WDR25: variants seen among roughly 807,000 people sequenced by gnomAD.
The protein encoded by WDR25 is WD repeat domain 25.
In WDR25, 35 loss-of-function variants were observed where a neutral mutation model predicts 47.7. The ratio of observed to expected loss-of-function variants is 0.73; its 90% confidence interval spans 0.56 to 0.97. WDR25 has a LOEUF of 0.97. Among genes scored for constraint, WDR25 ranks in the 50% least tolerant of loss-of-function variants. WDR25 has a pLI of 0.00. For synonymous variants in WDR25, 248 were observed against 278.9 expected (o/e 0.89, Z 1.10); for missense variants, 634 against 704.7 (o/e 0.90, Z 1.14).
chr14:100,514,388 T>C (rs1246233483), intron 4 of WDR25, among the ~76,000 whole-genome samples: 2 of 152,196 alleles, frequency 1.3e-5, no homozygotes, highest in African/African-American at 4.8e-5. Flanking sequence ...ATTATGATTA[T>C]TGATATGGTT....
intron 2 of WDR25, among the ~76,000 whole-genome samples, chr14:100,447,323 A>G (rs187694616): frequency 1.3e-5 from 2 of 152,242 alleles, no homozygotes; most frequent in African/African-American, 2.4e-5. Flanking sequence ...ATCTACAACG[A>G]TTTTAATTTT....
intron 2 of WDR25, among the ~76,000 whole-genome samples, chr14:100,401,164 G>A (rs1219176396): frequency 6.6e-6 from 1 of 152,134 alleles, no homozygotes; most frequent in Non-Finnish European, 1.5e-5. Context: ...GGCCTCCGGG[G>A]CGCGTCGGCG....
intron 2 of WDR25, among the ~76,000 whole-genome samples, chr14:100,439,664 TA>T (rs1174130450): frequency 1.3e-5 from 2 of 152,212 alleles, no homozygotes; most frequent in Non-Finnish European, 2.9e-5. Flanking sequence ...GGACGCTTTT[TA>T]TGTGACAGTG....
intron 4 of WDR25, among the ~76,000 whole-genome samples, chr14:100,489,314 C>T (rs1900486445): frequency 6.6e-6 from 1 of 152,134 alleles, no homozygotes; most frequent in African/African-American, 2.4e-5. Context: ...GTGCCCAGCA[C>T]AGAATGGAAG....
intron 2 of WDR25, among the ~76,000 whole-genome samples, chr14:100,454,232 T>C (rs1328403379): frequency 6.6e-6 from 1 of 152,128 alleles, no homozygotes; most frequent in Non-Finnish European, 1.5e-5. Context: ...AAGCTGGTGG[T>C]GGTGGTGTTC....
At chr14:100,466,176 A>G (rs1330785728) in intron 2 of WDR25, among the ~76,000 whole-genome samples, 1 of 152,170 alleles carries the variant, frequency 6.6e-6, no homozygotes, top group Non-Finnish European at 1.5e-5. Flanking sequence ...TTCTAAATGT[A>G]AATACTGCTG....
intron 2 of WDR25, among the ~76,000 whole-genome samples, chr14:100,413,052 A>G (rs1413162244): frequency 6.6e-6 from 1 of 151,844 alleles, no homozygotes; most frequent in East Asian, 1.9e-4. Context: ...CTGGTCCCAG[A>G]CTCCTAACCT....
At chr14:100,457,291 C>A (rs1057022053) in intron 2 of WDR25, among the ~76,000 whole-genome samples, 1 of 152,096 alleles carries the variant, frequency 6.6e-6, no homozygotes, top group Non-Finnish European at 1.5e-5. Flanking sequence ...GGGAAAAAAA[C>A]TTAAAAGTAA....
chr14:100,494,262 C>T (rs1445930252), intron 4 of WDR25, among the ~76,000 whole-genome samples: 3 of 152,204 alleles, frequency 2.0e-5, no homozygotes, highest in African/African-American at 7.2e-5. Context: ...TGCTTTTGAT[C>T]TCAAGCAGTT....
chr14:100,390,802 G>A (rs1897127432), intron 2 of WDR25, among the ~76,000 whole-genome samples: 1 of 152,192 alleles, frequency 6.6e-6, no homozygotes, highest in African/African-American at 2.4e-5. Flanking sequence ...CATCATTTAT[G>A]CGTAAAAGTG....
At chr14:100,510,001 T>A (rs930035800) in intron 4 of WDR25, among the ~76,000 whole-genome samples, 2 of 152,148 alleles carry the variant, frequency 1.3e-5, no homozygotes, top group Non-Finnish European at 2.9e-5. Context: ...CTGGTTATGG[T>A]GGCTCACACC....
chr14:100,529,528 C>A lies in WDR25; in HGVS notation c.1414-292C>A. ...CTTCCCTTTCCTCACTGAGGCCAAGCCTTGCTGGGGTGGAAGGGGCTGGGT... is the reference window on the plus strand; with the variant it reads ...CTTCCCTTTCCTCACTGAGGCCAAGACTTGCTGGGGTGGAAGGGGCTGGGT... On this transcript the variant is annotated intron_variant, in intron 6 of 6. Transcript: ENST00000402312. This position sits in a 1 kb window ranked among gnomAD's most constrained non-coding sequence, Gnocchi z 5.1. 1.7e-6 allele frequency: 1 copy of A among 591,350 alleles called. No individual in the cohort carries two copies. Among genetic ancestry groups the A allele is most frequent in the African/African-American group, 1.9e-5 (1 of 53,740 alleles). 36.6% of individuals were successfully genotyped at this position (591,350 alleles called of 1,614,324 possible). A position where few individuals can be genotyped will look rare whatever the true frequency, so the allele number is the denominator to read the frequency against.
At chr14:100,512,834 C>T (rs1007141343) in intron 4 of WDR25, among the ~76,000 whole-genome samples, 2 of 152,162 alleles carry the variant, frequency 1.3e-5, no homozygotes, top group African/African-American at 4.8e-5. Flanking sequence ...TGGTTTCTTC[C>T]TGATCCATGA....
At chr14:100,457,926 A>G (rs1052821897) in intron 2 of WDR25, among the ~76,000 whole-genome samples, 1 of 152,230 alleles carries the variant, frequency 6.6e-6, no homozygotes, top group Non-Finnish European at 1.5e-5. Context: ...AAACAGATTT[A>G]TGGTTATAAG....
chr14:100,480,618 G>A (rs748790438), intron 3 of WDR25, among the ~76,000 whole-genome samples: 2 of 152,152 alleles, frequency 1.3e-5, no homozygotes, highest in East Asian at 3.9e-4. Flanking sequence ...TGTGATTTTT[G>A]TTGCCAAAAA....
chr14:100,512,645 T>G (rs772778320), intron 4 of WDR25, among the ~76,000 whole-genome samples: 20 of 152,322 alleles, frequency 1.3e-4, no homozygotes, highest in Admixed American at 3.9e-4. Flanking sequence ...AATTTAATTT[T>G]CTTTTTCTAG....
intron 3 of WDR25, among the ~76,000 whole-genome samples, chr14:100,482,346 T>C (rs1388425844): frequency 1.3e-5 from 2 of 152,244 alleles, no homozygotes; most frequent in African/African-American, 4.8e-5. Flanking sequence ...GAGAGGTTCA[T>C]TGATTCTCTT....
rs1595091950 is a variant in WDR25, at chr14:100,527,465, A to C, written c.1272+1425A>C. On this transcript the variant is annotated intron_variant, in intron 5 of 6. Transcript: ENST00000402312. Reference sequence around the variant, plus strand: ...TATGATATATGTGGGTGTACATGAAATATCTATCCTGTGTACACCTTCTTT... The same window carrying C: ...TATGATATATGTGGGTGTACATGAACTATCTATCCTGTGTACACCTTCTTT... Among the ~76,000 whole-genome samples the C allele has an allele frequency of 5.3e-5, 8 of 152,322 alleles. No individual in the cohort carries two copies. In the South Asian group the frequency reaches 1.7e-3, roughly 32 times the overall value.
chr14:100,390,997 A>C (rs1036483075), intron 2 of WDR25, among the ~76,000 whole-genome samples: 1 of 152,158 alleles, frequency 6.6e-6, no homozygotes, highest in African/African-American at 2.4e-5. Flanking sequence ...CATCTCCTGT[A>C]GTCTTAGCGT....
Sources: gnomAD v4.1 joint callset for allele counts (sites outside exome capture counted in the v4.1 genomes callset) on GRCh38, gnomAD v4.1.1 for gene constraint, Gnocchi (gnomAD v3.1) non-coding constraint, MANE v1.5 for transcripts, NCBI Gene and HGNC (gene_info 2026-07-23, HGNC 2026-07-21) for gene names.